Variants in HDAC9 observed in about 807,000 individuals in gnomAD.
The protein encoded by HDAC9 is MEF-2 interacting transcription repressor (MITR) protein.
HDAC9 carries 41 observed loss-of-function variants against 139.4 expected under a neutral mutation model. That is an observed-to-expected ratio of 0.29 (90% CI 0.23 to 0.38). The LOEUF (loss-of-function observed/expected upper bound fraction) is 0.38. HDAC9 is among the 10% of genes least tolerant of loss of function. The probability of loss-of-function intolerance (pLI) is 1.00; values close to 1 mark genes in which losing one functional copy is unlikely to be tolerated. For missense variants in HDAC9, 1,147 were observed against 1,297.0 expected, an observed-to-expected ratio of 0.88 and a Z score of 1.78; for synonymous variants, 517 against 476.2, an observed-to-expected ratio of 1.09 and a Z score of -1.12.
At chr7:18,424,044 T>G (rs1476490666) in intron 1 of HDAC9, among the ~76,000 whole-genome samples, 1 of 152,248 alleles carries the variant, frequency 6.6e-6, no homozygotes, top group Non-Finnish European at 1.5e-5. Flanking sequence ...CACCTATAAA[T>G]ATGCAGTAAT....
At chr7:18,369,223 G>C (rs537051990) in intron 1 of HDAC9, among the ~76,000 whole-genome samples, 10 of 152,032 alleles carry the variant, frequency 6.6e-5, no homozygotes, top group African/African-American at 2.4e-4. Context: ...AATTATTTGA[G>C]TCTGTTTTGT....
chr7:18,486,995 G>C (rs960042118), intron 1 of HDAC9, among the ~76,000 whole-genome samples: 12 of 152,004 alleles, frequency 7.9e-5, no homozygotes, highest in African/African-American at 2.9e-4. Context: ...GAGTGTTTTG[G>C]GGGATGAAAA....
At chr7:18,258,432 C>T (rs755759646) in intron 2 of HDAC9, among the ~76,000 whole-genome samples, 11 of 152,086 alleles carry the variant, frequency 7.2e-5, no homozygotes, top group Non-Finnish European at 1.3e-4. Context: ...CATCCATTAC[C>T]CCAAGCAATG....
intron 2 of HDAC9, among the ~76,000 whole-genome samples, chr7:18,187,524 C>T (rs1200179781): frequency 6.6e-6 from 1 of 152,192 alleles, no homozygotes; most frequent in African/African-American, 2.4e-5. Context: ...AAAACCATGG[C>T]ACCATCTTTA....
At chr7:18,325,740 G>C (rs750847905) in intron 1 of HDAC9, 16 of 152,078 alleles carry the variant, frequency 1.1e-4, no homozygotes, top group Non-Finnish European at 2.1e-4. Context: ...GTACAGTCAT[G>C]TGATAGACCA....
chr7:18,927,266 A>G (rs1274806202), intron 22 of HDAC9, among the ~76,000 whole-genome samples: 1 of 152,216 alleles, frequency 6.6e-6, no homozygotes, highest in Admixed American at 6.5e-5. Context: ...AGTGCCTACC[A>G]TATGAATTAC....
At position 18,829,214 on chromosome 7, in the gene HDAC9, C is replaced by A; in HGVS notation, c.2376C>A (p.Ala792=). Residue 792 remains alanine (A), a splice_region_variant and synonymous_variant, in exon 18 of 26, where the codon GCC becomes GCA. Transcript: ENST00000686413. ...PPGHHAEEST[A]MGFCFFNSVA... Reference sequence around the variant, plus strand: ...GCCATCACGCTGAAGAATCCACAGCCATGTAAGTACCAGGGACTGTTGCCC... The same window carrying A: ...GCCATCACGCTGAAGAATCCACAGCAATGTAAGTACCAGGGACTGTTGCCC... 1.9e-6 allele frequency: 3 copies of A among 1,610,024 alleles called. No individual in the cohort carries two copies. Among genetic ancestry groups the A allele is most frequent in the Non-Finnish European group, 2.6e-6 (3 of 1,176,270 alleles).
chr7:18,980,142 A>G (rs766991665), intron 25 of HDAC9, among the ~76,000 whole-genome samples: 12 of 151,810 alleles, frequency 7.9e-5, no homozygotes, highest in Non-Finnish European at 1.0e-4. Context: ...TTTTATCTCT[A>G]TTTTCCCAAC....
intron 13 of HDAC9, among the ~76,000 whole-genome samples, chr7:18,741,117 C>T (rs376044101): frequency 2.6e-5 from 4 of 152,104 alleles, no homozygotes; most frequent in African/African-American, 4.8e-5. Flanking sequence ...AGCTACAACA[C>T]GTTTTCCAGA....
At chr7:18,906,987 A>C (rs1334141612) in intron 22 of HDAC9, 1 of 152,272 alleles carries the variant, frequency 6.6e-6, no homozygotes. Flanking sequence ...TTGGGGAAAG[A>C]GAAAACACAA....
intron 1 of HDAC9, among the ~76,000 whole-genome samples, chr7:18,439,817 C>T (rs1791577377): frequency 6.6e-6 from 1 of 152,148 alleles, no homozygotes; most frequent in Admixed American, 6.5e-5. Context: ...AAATCTCTCT[C>T]TCTCTCTGAA....
At chr7:18,131,373 C>G (rs1325416300) in intron 1 of HDAC9, among the ~76,000 whole-genome samples, 1 of 152,110 alleles carries the variant, frequency 6.6e-6, no homozygotes, top group Non-Finnish European at 1.5e-5. Flanking sequence ...TATCTGCAGT[C>G]TGCTGAAAAT....
chr7:18,453,733 G>A (rs539674577), intron 1 of HDAC9, among the ~76,000 whole-genome samples: 3 of 151,922 alleles, frequency 2.0e-5, no homozygotes, highest in Admixed American at 6.6e-5. Context: ...CAAAATTTTT[G>A]TATAGATTAT....
chr7:18,978,951 T>A (rs539872864), intron 25 of HDAC9, among the ~76,000 whole-genome samples: 1 of 152,292 alleles, frequency 6.6e-6, no homozygotes, highest in South Asian at 2.1e-4. Context: ...TGTGTGTGTT[T>A]TTTTTTTAAC....
intron 21 of HDAC9, among the ~76,000 whole-genome samples, chr7:18,850,813 T>C (rs1482064488): frequency 6.6e-6 from 1 of 152,182 alleles, no homozygotes; most frequent in Non-Finnish European, 1.5e-5. Flanking sequence ...AATCAATGTC[T>C]GTTGAGGGCT....
At chr7:18,938,529 A>C (rs2129312555) in intron 23 of HDAC9, among the ~76,000 whole-genome samples, 1 of 150,948 alleles carries the variant, frequency 6.6e-6, no homozygotes, top group East Asian at 2.0e-4. Context: ...CGAGAGGTGG[A>C]GCTTGCAGTG....
At chr7:18,547,858 ACCCT>A (rs1166744165) in intron 2 of HDAC9, among the ~76,000 whole-genome samples, 7 of 26,734 alleles carry the variant, frequency 2.6e-4, no homozygotes, top group African/African-American at 6.4e-4. Flanking sequence ...CTTCCTTCCT[ACCCT>A]CCCTCCCTCC....
At chr7:18,908,443 G>T (rs1300251100) in intron 22 of HDAC9, among the ~76,000 whole-genome samples, 1 of 152,006 alleles carries the variant, frequency 6.6e-6, no homozygotes, top group African/African-American at 2.4e-5. Context: ...ATAAATTGTT[G>T]TTAACTGTAG....
chr7:18,294,556 G>C (rs1017890624), intron 1 of HDAC9, among the ~76,000 whole-genome samples: 2 of 152,112 alleles, frequency 1.3e-5, no homozygotes, highest in African/African-American at 4.8e-5. Context: ...TTGAGAAAGA[G>C]AGTAAAGGTC....
Sources: gnomAD v4.1 joint callset for allele counts (sites outside exome capture counted in the v4.1 genomes callset) on GRCh38, gnomAD v4.1.1 for gene constraint, MANE v1.5 for transcripts, NCBI Gene and HGNC (gene_info 2026-07-23, HGNC 2026-07-21) for gene names.